Variants in DACH1 observed in about 807,000 individuals in gnomAD.
DACH1 encodes dachshund family transcription factor 1.
In DACH1, 12 loss-of-function variants were observed where a neutral mutation model predicts 54.2. That is an observed-to-expected ratio of 0.22 (90% CI 0.14 to 0.36). The LOEUF is 0.36. DACH1 is among the 10% of genes least tolerant of loss of function. DACH1 has a pLI of 1.00. For missense variants in DACH1, 805 were observed against 929.8 expected, an observed-to-expected ratio of 0.87 and a Z score of 1.75; for synonymous variants, 386 against 366.2, an observed-to-expected ratio of 1.05 and a Z score of -0.62.
intron 1 of DACH1, among the ~76,000 whole-genome samples, chr13:71,686,064 C>G (rs1733842891): frequency 6.6e-6 from 1 of 152,134 alleles, no homozygotes; most frequent in Non-Finnish European, 1.5e-5. Context: ...AAGAGCGACC[C>G]ATTTCTATCC....
intron 1 of DACH1, among the ~76,000 whole-genome samples, chr13:71,727,830 T>C (rs1566461710): frequency 6.6e-6 from 1 of 152,206 alleles, no homozygotes; most frequent in East Asian, 1.9e-4. Flanking sequence ...TTTTTGCAGT[T>C]CTAAGCAAAG....
chr13:71,538,411 T>A (rs572963812), intron 6 of DACH1, among the ~76,000 whole-genome samples: 1 of 152,048 alleles, frequency 6.6e-6, no homozygotes, highest in South Asian at 2.1e-4. Flanking sequence ...TCAAAATGAT[T>A]TTATTGTAGT....
chr13:71,682,520 T>C (rs919094424), intron 1 of DACH1, among the ~76,000 whole-genome samples: 11 of 152,188 alleles, frequency 7.2e-5, no homozygotes, highest in African/African-American at 2.4e-4. Flanking sequence ...ATATCTAATG[T>C]GTGAAAAGGT....
At chr13:71,530,986 G>A (rs1423020566) in intron 6 of DACH1, among the ~76,000 whole-genome samples, 2 of 152,076 alleles carry the variant, frequency 1.3e-5, no homozygotes, top group Non-Finnish European at 2.9e-5. Flanking sequence ...CAACGTAAGG[G>A]ATGGAGGACA....
At chr13:71,575,825 T>C (rs993232766) in intron 3 of DACH1, among the ~76,000 whole-genome samples, 2 of 152,104 alleles carry the variant, frequency 1.3e-5, no homozygotes, top group African/African-American at 4.8e-5. Flanking sequence ...CTCATTTGGG[T>C]AATAAATAGA....
intron 1 of DACH1, among the ~76,000 whole-genome samples, chr13:71,766,335 T>A (rs1356388154): frequency 6.6e-6 from 1 of 152,210 alleles, no homozygotes; most frequent in Non-Finnish European, 1.5e-5. Flanking sequence ...AAAATTCCAA[T>A]GGCCGGGCTT....
intron 1 of DACH1, among the ~76,000 whole-genome samples, chr13:71,732,166 T>A (rs1449118497): frequency 6.6e-6 from 1 of 152,226 alleles, no homozygotes; most frequent in Non-Finnish European, 1.5e-5. Flanking sequence ...ATTTTTTTCC[T>A]TGAATTTTTC....
At chr13:71,766,863 A>T (rs1174616782) in intron 1 of DACH1, among the ~76,000 whole-genome samples, 1 of 152,068 alleles carries the variant, frequency 6.6e-6, no homozygotes, top group Admixed American at 6.6e-5. Context: ...CTCTCACTTA[A>T]TTAAAGGCCA....
intron 1 of DACH1, among the ~76,000 whole-genome samples, chr13:71,858,892 C>CCTCTCTCT (rs151258252): frequency 2.2e-4 from 32 of 142,246 alleles, no homozygotes; most frequent in African/African-American, 8.0e-4. Flanking sequence ...CCTCTCTCTG[C>CCTCTCTCT]CTCTCTCTCT....
intron 10 of DACH1, among the ~76,000 whole-genome samples, chr13:71,463,234 TATTA>T (rs1232095852): frequency 6.6e-6 from 1 of 152,012 alleles, no homozygotes; most frequent in Admixed American, 6.6e-5. Flanking sequence ...GTAACTGATT[TATTA>T]ATTATCCCTG....
chr13:71,802,396 G>T (rs1887321987), intron 1 of DACH1, among the ~76,000 whole-genome samples: 1 of 151,884 alleles, frequency 6.6e-6, no homozygotes, highest in African/African-American at 2.4e-5. Context: ...ATAATTGTTT[G>T]AATCATTATT....
intron 2 of DACH1, chr13:71,674,999 C>T (rs886212535): frequency 2.3e-5 from 16 of 694,754 alleles, no homozygotes; most frequent in African/African-American, 3.9e-5. Context: ...CCAACGCCAG[C>T]GCCGCCTCTC....
At chr13:71,617,702 C>G (rs1160375676) in intron 3 of DACH1, among the ~76,000 whole-genome samples, 1 of 152,084 alleles carries the variant, frequency 6.6e-6, no homozygotes, top group Non-Finnish European at 1.5e-5. Flanking sequence ...CACCACATTA[C>G]AAAATTAATA....
chr13:71,774,661 G>A (rs977232476), intron 1 of DACH1, among the ~76,000 whole-genome samples: 1 of 151,994 alleles, frequency 6.6e-6, no homozygotes. Flanking sequence ...CTCATTCTTG[G>A]GTTAATCAGA....
chr13:71,607,656 A>T (rs1399521331), intron 3 of DACH1, among the ~76,000 whole-genome samples: 1 of 152,028 alleles, frequency 6.6e-6, no homozygotes, highest in Non-Finnish European at 1.5e-5. Flanking sequence ...CCACCAGGAA[A>T]AATTCTCTGG....
chr13:71,616,057 A>AAAAC (rs74716699), intron 3 of DACH1, among the ~76,000 whole-genome samples: 4,446 of 152,266 alleles, frequency 0.029, 89 homozygotes, highest in Middle Eastern at 0.086. Context: ...AACAATGGCA[A>AAAAC]AAACAAACAA....
intron 10 of DACH1, among the ~76,000 whole-genome samples, chr13:71,449,863 G>A (rs1345880385): frequency 1.4e-5 from 2 of 144,746 alleles, no homozygotes; most frequent in African/African-American, 5.1e-5. Flanking sequence ...TTGAAAACAT[G>A]TTCTAATGAG....
At chr13:71,825,452 A>G (rs1339704838) in intron 1 of DACH1, among the ~76,000 whole-genome samples, 1 of 152,076 alleles carries the variant, frequency 6.6e-6, no homozygotes, top group Non-Finnish European at 1.5e-5. Flanking sequence ...CATACTTATT[A>G]AGTGTCACTT....
chr13:71,483,984 T>C (rs1335104439), intron 7 of DACH1, among the ~76,000 whole-genome samples: 1 of 152,196 alleles, frequency 6.6e-6, no homozygotes, highest in East Asian at 1.9e-4. Context: ...AATGATTCAT[T>C]TCTCAGAATG....
Sources: gnomAD v4.1 joint callset for allele counts (sites outside exome capture counted in the v4.1 genomes callset) on GRCh38, gnomAD v4.1.1 for gene constraint, MANE v1.5 for transcripts, NCBI Gene and HGNC (gene_info 2026-07-23, HGNC 2026-07-21) for gene names.